SORCS2: variants seen among roughly 807,000 people sequenced by gnomAD.
SORCS2 encodes VPS10 domain-containing receptor SorCS2.
SORCS2 carries 100 observed loss-of-function variants against 141.6 expected under a neutral mutation model. The observed-to-expected ratio is 0.71, with a 90% confidence interval of 0.60 to 0.83. The LOEUF (loss-of-function observed/expected upper bound fraction) is 0.83, where lower values mean the gene tolerates loss of function less well. Ranked by LOEUF, SORCS2 falls within the 40% of genes least tolerant of loss-of-function variation. The probability of loss-of-function intolerance (pLI) is 0.00; values close to 1 mark genes in which losing one functional copy is unlikely to be tolerated. For missense variants in SORCS2, 1,646 were observed against 1,560.2 expected, an observed-to-expected ratio of 1.05 and a Z score of -0.93; for synonymous variants, 789 against 676.9, an observed-to-expected ratio of 1.17 and a Z score of -2.57.
At chr4:7,654,251 T>C in intron 5 of SORCS2, 44 bp downstream of exon 5, 1 of 1,544,502 alleles carries the variant, frequency 6.5e-7, no homozygotes, top group Non-Finnish European at 8.8e-7. Flanking sequence ...CCCGCAGCTC[T>C]GGTGAGAGCA....
chr4:7,412,794 G>A (rs1330281845), intron 2 of SORCS2, among the ~76,000 whole-genome samples: 1 of 151,936 alleles, frequency 6.6e-6, no homozygotes, highest in Non-Finnish European at 1.5e-5. Flanking sequence ...CCCCATGGGA[G>A]CCCTTTTGGA....
At position 7,740,324 on chromosome 4, in the gene SORCS2, C is replaced by T. The variant is rs1033212176; in HGVS notation, c.*60C>T. ...GGCACAGAACCACCAGCAAAGCCGG[C>T]GGCTGGACTGGCGCCCCTCAGAGAC... On this transcript the variant is annotated 3_prime_UTR_variant, in exon 27 of 27. Coordinates refer to ENST00000507866, the MANE Select transcript of SORCS2 (RefSeq NM_020777.3). The T allele has an allele frequency of 2.5e-5, 37 of 1,510,034 alleles. No individual in the cohort carries two copies. The highest frequency in any genetic ancestry group is 1.8e-4 in the African/African-American group (13 of 72,740). 93.5% of individuals were successfully genotyped at this position (1,510,034 alleles called of 1,614,324 possible). A position where few individuals can be genotyped will look rare whatever the true frequency, so the allele number is the denominator to read the frequency against.
chr4:7,403,346 A>T (rs537338129), intron 2 of SORCS2, among the ~76,000 whole-genome samples: 1 of 152,136 alleles, frequency 6.6e-6, no homozygotes, highest in African/African-American at 2.4e-5. Flanking sequence ...TGTTCTTCTT[A>T]TGCAGAACAC....
intron 1 of SORCS2, among the ~76,000 whole-genome samples, chr4:7,393,863 G>A (rs892633536): frequency 5.3e-5 from 8 of 152,254 alleles, no homozygotes; most frequent in African/African-American, 1.7e-4. Context: ...TGAGGTCGAC[G>A]GTCTGCTAGT....
chr4:7,443,393 C>G (rs972968151), intron 2 of SORCS2, among the ~76,000 whole-genome samples: 19 of 152,204 alleles, frequency 1.2e-4, no homozygotes, highest in Non-Finnish European at 1.8e-4. Flanking sequence ...CAGTCTCTGG[C>G]TGCTGCCTCT....
At chr4:7,730,123 G>A (rs1273463206) in intron 23 of SORCS2, among the ~76,000 whole-genome samples, 1 of 152,168 alleles carries the variant, frequency 6.6e-6, no homozygotes, top group Non-Finnish European at 1.5e-5. Context: ...GTTAGCAAAT[G>A]TCTTTATTGC....
intron 1 of SORCS2, among the ~76,000 whole-genome samples, chr4:7,313,034 T>TG (rs1475743856): frequency 6.6e-6 from 1 of 152,210 alleles, no homozygotes; most frequent in East Asian, 1.9e-4. Context: ...CTGCGAGGAC[T>TG]GGGGGTCCTC....
At chr4:7,274,315 G>T (rs933112979) in intron 1 of SORCS2, among the ~76,000 whole-genome samples, 3 of 152,250 alleles carry the variant, frequency 2.0e-5, no homozygotes, top group Admixed American at 6.5e-5. Context: ...CATGGGTGAG[G>T]GAGGTGTATT....
At chr4:7,224,374 T>G (rs13115404) in intron 1 of SORCS2, among the ~76,000 whole-genome samples, 36,380 of 152,146 alleles carry the variant, frequency 0.24, 4,469 homozygotes, top group African/African-American at 0.25. Flanking sequence ...CGATGAGTGT[T>G]AAGGGTGAGA....
At position 7,689,529 on chromosome 4, in the gene SORCS2, C is replaced by T. The variant is rs1402482852; in HGVS notation, c.1532C>T (p.Pro511Leu). ...CTGCACCTGCGCTGGGCAGACAACC[C>T]CTACGTATCAGGCACCGTGCACACC... ...LHLHLRWADNPYVSGTVHTKD... is the reference protein window; with the variant it reads ...LHLHLRWADNLYVSGTVHTKD... The change falls in exon 11 of 27, where the codon CCC becomes CTC. Residue 511 changes from proline (P) to leucine (L), a missense_variant. By Grantham distance (98) the Pro-to-Leu change is moderately conservative. Transcript: ENST00000507866. 3 of 1,607,046 alleles carry T rather than the reference C, an allele frequency of 1.9e-6. No homozygotes were observed. The highest frequency in any genetic ancestry group is 1.3e-5 in the African/African-American group (1 of 74,820).
chr4:7,738,430 C>T (rs994847438), intron 26 of SORCS2, among the ~76,000 whole-genome samples: 8 of 152,220 alleles, frequency 5.3e-5, no homozygotes, highest in Non-Finnish European at 7.3e-5. Flanking sequence ...TGGTGGTGAA[C>T]GGAGCTGGAA....
chr4:7,394,662 G>A (rs77985607), intron 1 of SORCS2, among the ~76,000 whole-genome samples: 7,060 of 152,192 alleles, frequency 0.046, 174 homozygotes, highest in East Asian at 0.082. Context: ...CTGGGTGATT[G>A]GGTGACTGTC....
chr4:7,498,977 G>A (rs372831249), intron 2 of SORCS2, among the ~76,000 whole-genome samples: 17 of 152,328 alleles, frequency 1.1e-4, no homozygotes, highest in African/African-American at 2.9e-4. Flanking sequence ...AGAGGGAGCC[G>A]GCTGAGGCTG....
chr4:7,362,271 T>G (rs1039461750), intron 1 of SORCS2, among the ~76,000 whole-genome samples: 1 of 152,144 alleles, frequency 6.6e-6, no homozygotes, highest in Non-Finnish European at 1.5e-5. Flanking sequence ...CCTGGTGTTT[T>G]CATAGACGAG....
chr4:7,437,156 C>T (rs1727360538), intron 2 of SORCS2, among the ~76,000 whole-genome samples: 2 of 152,264 alleles, frequency 1.3e-5, no homozygotes, highest in East Asian at 1.9e-4. Context: ...ACTGTAGATG[C>T]TAATAATCAC....
chr4:7,519,739 CT>C (rs1183428961), intron 2 of SORCS2, among the ~76,000 whole-genome samples: 1 of 152,244 alleles, frequency 6.6e-6, no homozygotes, highest in Admixed American at 6.5e-5. Context: ...GCACCCACAC[CT>C]CTTAGTCTGA....
intron 12 of SORCS2, among the ~76,000 whole-genome samples, chr4:7,699,152 G>C (rs998416602): frequency 1.3e-5 from 2 of 152,178 alleles, no homozygotes; most frequent in African/African-American, 2.4e-5. Flanking sequence ...TCAGTGTGTG[G>C]GGGAGGCAGG....
chr4:7,334,232 G>T (rs1719845200), intron 1 of SORCS2, among the ~76,000 whole-genome samples: 1 of 152,126 alleles, frequency 6.6e-6, no homozygotes, highest in Non-Finnish European at 1.5e-5. Flanking sequence ...CCCAAACTTT[G>T]CGCACCCCGG....
intron 2 of SORCS2, among the ~76,000 whole-genome samples, chr4:7,486,400 A>G (rs1006633202): frequency 2.0e-5 from 3 of 152,218 alleles, no homozygotes; most frequent in East Asian, 1.9e-4. Flanking sequence ...ACGGGGCAGG[A>G]TGCGGCCTCC....
Sources: gnomAD v4.1 joint callset for allele counts (sites outside exome capture counted in the v4.1 genomes callset) on GRCh38, gnomAD v4.1.1 for gene constraint, MANE v1.5 for transcripts, NCBI Gene and HGNC (gene_info 2026-07-23, HGNC 2026-07-21) for gene names.